The following PIN1 variants were observed in gnomAD, a reference collection of about 807,000 sequenced individuals.
The protein encoded by PIN1 is peptidylprolyl cis/trans isomerase, NIMA-interacting 1.
PIN1 carries 8 observed loss-of-function variants against 19.9 expected under a neutral mutation model. The ratio of observed to expected loss-of-function variants is 0.40; its 90% CI spans 0.24 to 0.72. PIN1 has a LOEUF of 0.72. Ranked by LOEUF, PIN1 falls within the 30% of genes least tolerant of loss-of-function variation. PIN1 has a pLI of 0.37. For missense variants in PIN1, 185 were observed against 226.5 expected, an observed-to-expected ratio of 0.82 and a Z score of 1.18; for synonymous variants, 86 against 90.8, an observed-to-expected ratio of 0.95 and a Z score of 0.30.
intron 2 of PIN1, among the ~76,000 whole-genome samples, chr19:9,840,793 C>T (rs1301634661): frequency 6.6e-6 from 1 of 152,126 alleles, no homozygotes; most frequent in Non-Finnish European, 1.5e-5. Context: ...GACAGGACTT[C>T]ACCATGTTGC....
intron 2 of PIN1, among the ~76,000 whole-genome samples, chr19:9,840,036 A>G (rs2046149276): frequency 6.6e-6 from 1 of 152,112 alleles, no homozygotes; most frequent in Non-Finnish European, 1.5e-5. Flanking sequence ...TTGGTTTCTC[A>G]ATTGCACTGG....
Position 9,838,539 on chromosome 19 carries a change from G to C in PIN1, c.162G>C (p.Arg54Ser). 1 of 1,592,756 alleles carries C rather than the reference G, an allele frequency of 6.3e-7. No individual in the cohort carries two copies. Among genetic ancestry groups the C allele is most frequent in the Non-Finnish European group, 8.5e-7 (1 of 1,171,390 alleles). ...AAAACGGGCAGGGGGAGCCTGCCAGGGTCCGCTGCTCGCACCTGCTGGTGA... is the reference window on the plus strand; with the variant it reads ...AAAACGGGCAGGGGGAGCCTGCCAGCGTCCGCTGCTCGCACCTGCTGGTGA... The part of the protein sequence containing the change: ...GGKNGQGEPA[R>S]VRCSHLLVKH... Residue 54 changes from arginine to serine, a missense_variant, in exon 2 of 4, where the codon AGG (arginine) becomes AGC (serine). Physicochemically the swap from Arg to Ser is moderately radical, Grantham distance 110. Transcript: ENST00000247970. This position sits in a 1 kb window ranked among gnomAD's most constrained non-coding sequence, Gnocchi z 5.8.
At chr19:9,849,033 C>T (rs2046248531) in intron 3 of PIN1, 57 bp from the exon 4 acceptor site, 2 of 1,150,020 alleles carry the variant, frequency 1.7e-6, no homozygotes, top group East Asian at 4.8e-5. Flanking sequence ...CGCCCTGCCT[C>T]ATCCTGGCCT....
rs1052169305 is a variant in PIN1 at position 9,838,648 on chromosome 19, G to A, written c.271G>A (p.Gly91Ser). The A allele has an allele frequency of 9.7e-6, 15 of 1,540,082 alleles. No individual in the cohort carries two copies. The highest frequency in any genetic ancestry group is 7.1e-5 in the South Asian group (6 of 84,012). Residue 91 changes from glycine (G) to serine (S), a missense_variant and splice_region_variant, in exon 2 of 4, where the codon GGC becomes AGC. By Grantham distance (56) the Gly-to-Ser change is moderately conservative. Coordinates refer to ENST00000247970, the MANE Select transcript of PIN1 (RefSeq NM_006221.4). The surrounding 1 kb of genome is among the most constrained non-coding windows in gnomAD (Gnocchi z 5.8). ...GGAGGAGGCCCTGGAGCTGATCAAC[G>A]GTGAGCAGGGCGAGGGCAGGGGCTT... ...TKEEALELIN[G>S]YIQKIKSGEE...
In PIN1 at chr19:9,838,359, C is replaced by A; in HGVS notation, c.59-77C>A. The A allele has an allele frequency of 8.3e-7, 1 of 1,203,970 alleles. No individual in the cohort carries two copies. Among genetic ancestry groups the A allele is most frequent in the Non-Finnish European group, 1.2e-6 (1 of 830,784 alleles). The allele number at this position is 1,203,970 out of a possible 1,614,324, so 74.6% of individuals were successfully genotyped here. A position where few individuals can be genotyped will look rare whatever the true frequency, so the allele number is the denominator to read the frequency against. ...CGCCCCCTGCAAGCCAGGCCCTCAC[C>A]CTGGCTTCTGGCTGTGGGCCCAGGG... On this transcript the variant is annotated intron_variant, in intron 1 of 3. Coordinates refer to ENST00000247970, the MANE Select transcript of PIN1 (RefSeq NM_006221.4). The surrounding 1 kb of genome is among the most constrained non-coding windows in gnomAD (Gnocchi z 5.8).
Position 9,849,557 on chromosome 19 carries a change from G to A in PIN1, c.*358G>A, listed in dbSNP as rs370315019. 52 of 590,618 alleles carry A rather than the reference G, an allele frequency of 8.8e-5. No individual in the cohort carries two copies. The highest frequency in any genetic ancestry group is 2.8e-4 in the Middle Eastern group (1 of 3,536). 36.6% of individuals were successfully genotyped at this position (590,618 alleles called of 1,614,324 possible). ...GGTGCTGGAGGCAGACTCGAGGGCC[G>A]AATTGTTTCTAGTTAGGCCACGCTC... On this transcript the variant is annotated 3_prime_UTR_variant, in exon 4 of 4. Transcript: ENST00000247970.
At position 9,849,166 on chromosome 19, in the gene PIN1, T is replaced by G. The variant is rs373075656; in HGVS notation, c.459T>G (p.Asp153Glu). The change falls in exon 4 of 4, where the codon GAT becomes GAG. Residue 153 changes from aspartate (D) to glutamate (E), a missense_variant. By Grantham distance (45) the Asp-to-Glu change is conservative (BLOSUM62 2). Transcript: ENST00000247970. ...AGATGAGCGGGCCCGTGTTCACGGA[T>G]TCCGGCATCCACATCATCCTCCGCA... ...TGEMSGPVFT[D>E]SGIHIILRTE is the part of the protein sequence containing the mutation. 1 of 1,613,156 alleles carries G rather than the reference T, an allele frequency of 6.2e-7. No homozygotes were observed. Among genetic ancestry groups the G allele is most frequent in the African/African-American group, 1.3e-5 (1 of 74,916 alleles).
At chr19:9,837,090 A>G in intron 1 of PIN1, 1 of 350,402 alleles carries the variant, frequency 2.9e-6, no homozygotes. Context: ...CAGCCTTTCA[A>G]GTAGCTGAGA....
intron 1 of PIN1, 155 bp downstream of exon 1, chr19:9,835,557 T>A (rs2145406171): frequency 1.7e-6 from 1 of 573,702 alleles, no homozygotes; most frequent in Admixed American, 4.4e-5. Flanking sequence ...CCCGCCCTGT[T>A]GTGGGGACTG....
rs369247974 is a variant in PIN1 at position 9,848,051 on chromosome 19, C to T, written c.293C>T (p.Ser98Leu). The stretch of plus-strand genomic sequence containing the variant: ...ACAGGCTACATCCAGAAGATCAAGT[C>T]GGGAGAGGAGGACTTTGAGTCTCTG... ...LINGYIQKIK[S>L]GEEDFESLAS... Residue 98 changes from serine (S) to leucine (L), a missense_variant, in exon 3 of 4, where the codon TCG (serine) becomes TTG (leucine). Ser to Leu is a moderately radical substitution (Grantham distance 145). Coordinates refer to ENST00000247970, the MANE Select transcript of PIN1 (RefSeq NM_006221.4). The T allele has an allele frequency of 8.7e-6, 14 of 1,611,030 alleles. No homozygotes were observed. Among genetic ancestry groups the T allele is most frequent in the Middle Eastern group, 1.6e-4 (1 of 6,076 alleles).
At chr19:9,844,539 C>T (rs959495353) in intron 2 of PIN1, among the ~76,000 whole-genome samples, 2 of 152,166 alleles carry the variant, frequency 1.3e-5, no homozygotes, top group Non-Finnish European at 2.9e-5. Context: ...TCAGGGGGTC[C>T]TGAACACCTT....
chr19:9,838,186 C>G lies in PIN1; in HGVS notation c.59-250C>G, dbSNP rs887947981. The stretch of plus-strand genomic sequence containing the variant: ...TGAAGTTATCAGGGATTGATACTAT[C>G]CTGTGTTTCATTTGCTTGTTTAGCA... On this transcript the variant is annotated intron_variant, in intron 1 of 3. Transcript: ENST00000247970. The surrounding 1 kb of genome is among the most constrained non-coding windows in gnomAD (Gnocchi z 5.8). 1.7e-6 allele frequency: 1 copy of G among 572,772 alleles called. No individual in the cohort carries two copies. The highest frequency in any genetic ancestry group is 1.9e-5 in the African/African-American group (1 of 53,406). 35.5% of individuals were successfully genotyped at this position (572,772 alleles called of 1,614,324 possible).
chr19:9,835,572 C>G (rs1599446215), intron 1 of PIN1, 170 bp downstream of exon 1: 2 of 554,604 alleles, frequency 3.6e-6, no homozygotes, highest in Non-Finnish European at 2.9e-6. Context: ...GGACTGCGAG[C>G]CTCAGGAGCC....
intron 1 of PIN1, chr19:9,836,901 AC>A: frequency 8.0e-7 from 1 of 1,245,922 alleles, no homozygotes; most frequent in Middle Eastern, 3.3e-4. Flanking sequence ...TGCCATCTAT[AC>A]AATAGAGATA....
chr19:9,845,244 TTTTG>T (rs3837946), intron 2 of PIN1, among the ~76,000 whole-genome samples: 12,868 of 122,322 alleles, frequency 0.11, 1,554 homozygotes, highest in African/African-American at 0.28. Flanking sequence ...AAGAAAGCGT[TTTTG>T]TTTGTTTGTT....
At chr19:9,839,949 G>A (rs752652784) in intron 2 of PIN1, among the ~76,000 whole-genome samples, 13 of 151,684 alleles carry the variant, frequency 8.6e-5, no homozygotes, top group Admixed American at 1.3e-4. Context: ...GTAATGAGCC[G>A]AGATCACACT....
chr19:9,849,464 G>C lies in PIN1; in HGVS notation c.*265G>C, dbSNP rs751324758. 2 of 719,226 alleles carry C rather than the reference G, an allele frequency of 2.8e-6. No individual in the cohort carries two copies. Among genetic ancestry groups the C allele is most frequent in the East Asian group, 2.7e-5 (1 of 37,376 alleles). The allele number at this position is 719,226 out of a possible 1,614,324, so 44.6% of individuals were successfully genotyped here. On this transcript the variant is annotated 3_prime_UTR_variant, in exon 4 of 4. Transcript: ENST00000247970. ...CAGGGGTGGGAGGCTCCCAGACCCAGGGCAGTGTGGTGGGAGGGGTGTTCC... is the reference window on the plus strand; with the variant it reads ...CAGGGGTGGGAGGCTCCCAGACCCACGGCAGTGTGGTGGGAGGGGTGTTCC...
At chr19:9,836,745 T>C (rs1255156183) in intron 1 of PIN1, 1 of 938,944 alleles carries the variant, frequency 1.1e-6, no homozygotes, top group East Asian at 6.1e-5. Flanking sequence ...ATGCACGGTG[T>C]AGTAGCTAAG....
chr19:9,836,693 C>A, intron 1 of PIN1: 1 of 484,000 alleles, frequency 2.1e-6, no homozygotes, highest in Non-Finnish European at 3.7e-6. Flanking sequence ...CCCTGGGTAA[C>A]ATCGGGCCAC....
Sources: gnomAD v4.1 joint callset for allele counts (sites outside exome capture counted in the v4.1 genomes callset) on GRCh38, gnomAD v4.1.1 for gene constraint, Gnocchi (gnomAD v3.1) non-coding constraint, MANE v1.5 for transcripts, NCBI Gene and HGNC (gene_info 2026-07-23, HGNC 2026-07-21) for gene names.